C1QL3: variants seen among roughly 807,000 people sequenced by gnomAD.
The protein encoded by C1QL3 is complement C1q-like protein 3.
C1QL3 carries 4 observed loss-of-function variants against 16.6 expected under a neutral mutation model. That is an observed-to-expected ratio of 0.24 (90% CI 0.12 to 0.55). C1QL3 has a LOEUF of 0.55. Ranked by LOEUF, C1QL3 falls within the 20% of genes least tolerant of loss-of-function variation. The pLI, the probability that C1QL3 is intolerant of heterozygous loss-of-function variation, is 0.94. For synonymous variants in C1QL3, 189 were observed against 160.2 expected (o/e 1.18, Z -1.36); for missense variants, 269 against 365.6 (o/e 0.74, Z 2.16).
At chr10:16,515,168 G>C (rs1451484071) in intron 1 of C1QL3, among the ~76,000 whole-genome samples, 1 of 151,142 alleles carries the variant, frequency 6.6e-6, no homozygotes, top group Non-Finnish European at 1.5e-5. Flanking sequence ...AGAAAATTGA[G>C]GTATGTAATA....
chr10:16,515,761 T>C (rs1224779953), intron 1 of C1QL3, among the ~76,000 whole-genome samples: 3 of 152,194 alleles, frequency 2.0e-5, no homozygotes, highest in Non-Finnish European at 4.4e-5. Context: ...GACTTAGATT[T>C]GATTTATTTC....
rs1044584805 is a variant in C1QL3, at chr10:16,520,020, G to T, written c.588+458C>A. On this transcript the variant is annotated intron_variant, in intron 1 of 1. Coordinates refer to ENST00000298943, the MANE Select transcript of C1QL3 (RefSeq NM_001010908.2). This position sits in a 1 kb window ranked among gnomAD's most constrained non-coding sequence, Gnocchi z 8.3. ...CTTCGGGGCCCTTGTTTCTCCCTCCGGCCTTTGTCTACCACCCCCGAGTCG... is the reference window on the plus strand; with the variant it reads ...CTTCGGGGCCCTTGTTTCTCCCTCCTGCCTTTGTCTACCACCCCCGAGTCG... Among the ~76,000 whole-genome samples the T allele has an allele frequency of 6.6e-6, 1 of 151,918 alleles. No individual in the cohort carries two copies. The highest frequency in any genetic ancestry group is 1.5e-5 in the Non-Finnish European group (1 of 67,964).
At chr10:16,517,109 C>T (rs1836963535) in intron 1 of C1QL3, among the ~76,000 whole-genome samples, 2 of 152,150 alleles carry the variant, frequency 1.3e-5, no homozygotes, top group Admixed American at 1.3e-4. Flanking sequence ...GAGGCTGTTT[C>T]CAGATTCCTA....
At position 16,520,439 on chromosome 10, in the gene C1QL3, GCTCCCTCCCCGCC is replaced by G; in HGVS notation, c.588+26_588+38del. On this transcript the variant is annotated intron_variant, in intron 1 of 1. Transcript: ENST00000298943. The surrounding 1 kb of genome is among the most constrained non-coding windows in gnomAD (Gnocchi z 8.3). ...CTCCCTCTCGCCCGCACCTTCCCGCGCTCCCTCCCCGCCCTCCCCGCCGCCCGCCCGCGCTCAC... is the reference window on the plus strand; with the variant it reads ...CTCCCTCTCGCCCGCACCTTCCCGCGCTCCCCGCCGCCCGCCCGCGCTCAC... The G allele has an allele frequency of 7.6e-7, 1 of 1,322,976 alleles. No homozygotes were observed. The highest frequency in any genetic ancestry group is 1.0e-6 in the Non-Finnish European group (1 of 968,888). The allele number at this position is 1,322,976 out of a possible 1,614,324, so 82.0% of individuals were successfully genotyped here.
intron 1 of C1QL3, among the ~76,000 whole-genome samples, chr10:16,518,607 C>T (rs1415940174): frequency 6.6e-6 from 1 of 152,200 alleles, no homozygotes; most frequent in Non-Finnish European, 1.5e-5. Flanking sequence ...GCAGTCTAGA[C>T]ATCAACATTT....
Position 16,514,585 on chromosome 10 carries a change from A to G in C1QL3, c.711T>C (p.His237=). Residue 237 remains histidine, a synonymous_variant, in exon 2 of 2, where the codon CAT becomes CAC. Transcript: ENST00000298943. ...VYIKLDGGKA[H]GGNNNKYSTF... Reference sequence around the variant, plus strand: ...TGCTGTATTTGTTGTTGTTTCCTCCATGGGCTTTCCCGCCATCTAATTTGA... The same window carrying G: ...TGCTGTATTTGTTGTTGTTTCCTCCGTGGGCTTTCCCGCCATCTAATTTGA... The G allele has an allele frequency of 3.1e-6, 5 of 1,613,910 alleles. No homozygotes were observed. The highest frequency in any genetic ancestry group is 3.4e-6 in the Non-Finnish European group (4 of 1,179,822).
chr10:16,519,433 G>A (rs1464448713), intron 1 of C1QL3, among the ~76,000 whole-genome samples: 2 of 150,504 alleles, frequency 1.3e-5, no homozygotes, highest in East Asian at 3.9e-4. Flanking sequence ...AGGCTGCAAG[G>A]CCTCGCCTCA....
At chr10:16,516,029 G>A (rs540223729) in intron 1 of C1QL3, among the ~76,000 whole-genome samples, 7 of 152,170 alleles carry the variant, frequency 4.6e-5, no homozygotes, top group Non-Finnish European at 8.8e-5. Context: ...ATAGTCTCAC[G>A]TTAATGCTGA....
At position 16,514,591 on chromosome 10, in the gene C1QL3, T is replaced by C; in HGVS notation, c.705A>G (p.Lys235=). ...ATTTGTTGTTGTTTCCTCCATGGGC[T>C]TTCCCGCCATCTAATTTGATATAGA... The part of the protein sequence containing the change: ...DEVYIKLDGG[K]AHGGNNNKYS... The change falls in exon 2 of 2, where the codon AAA becomes AAG. Residue 235 remains lysine (K), a synonymous_variant. Coordinates refer to ENST00000298943, the MANE Select transcript of C1QL3 (RefSeq NM_001010908.2). 1 of 1,613,900 alleles carries C rather than the reference T, an allele frequency of 6.2e-7. No homozygotes were observed. The highest frequency in any genetic ancestry group is 8.5e-7 in the Non-Finnish European group (1 of 1,179,790).
chr10:16,516,001 A>G (rs144219486), intron 1 of C1QL3, among the ~76,000 whole-genome samples: 275 of 152,282 alleles, frequency 1.8e-3, no homozygotes, highest in African/African-American at 6.4e-3. Flanking sequence ...GAGTTTTCCA[A>G]TTAAATTTTC....
rs1371832874 is a variant in C1QL3, at chr10:16,521,086, C to A, written c.-21G>T. The A allele has an allele frequency of 6.3e-7, 1 of 1,582,506 alleles. No individual in the cohort carries two copies. The highest frequency in any genetic ancestry group is 1.1e-5 in the South Asian group (1 of 88,554). On this transcript the variant is annotated 5_prime_UTR_variant, in exon 1 of 2. Transcript: ENST00000298943. ...ACCATCACCACCCCCAGCGCCCCGG[C>A]GGCGATCAGGCGCCTCCTGCTGCCC...
rs1837035575 is a variant in C1QL3 at position 16,521,133 on chromosome 10, C to A, written c.-68G>T. On this transcript the variant is annotated 5_prime_UTR_variant, in exon 1 of 2. Coordinates refer to ENST00000298943, the MANE Select transcript of C1QL3 (RefSeq NM_001010908.2). ...GCCCACCAGCCGGCTCAGCGCGGGG[C>A]GATCCTCTTGTCTGCTTTTGGACAG... 6.4e-6 allele frequency: 9 copies of A among 1,408,150 alleles called. No individual in the cohort carries two copies. Among genetic ancestry groups the A allele is most frequent in the Non-Finnish European group, 8.7e-6 (9 of 1,031,734 alleles). The allele number at this position is 1,408,150 out of a possible 1,614,324, so 87.2% of individuals were successfully genotyped here. A position where few individuals can be genotyped will look rare whatever the true frequency, so the allele number is the denominator to read the frequency against.
Position 16,514,202 on chromosome 10 carries a change from T to A in C1QL3, c.*326A>T, listed in dbSNP as rs545505540. On this transcript the variant is annotated 3_prime_UTR_variant, in exon 2 of 2. Coordinates refer to ENST00000298943, the MANE Select transcript of C1QL3 (RefSeq NM_001010908.2). ...GCAGCAAGATCACAGTACACCAAAG[T>A]ATCATATATATAGAAGAAATAATTC... is the stretch of plus-strand genomic sequence containing the variant. The A allele has an allele frequency of 8.5e-5, 34 of 401,184 alleles. No individual in the cohort carries two copies. In the Admixed American group the frequency reaches 1.1e-3, roughly 13 times the overall value. The allele number at this position is 401,184 out of a possible 1,614,324, so 24.9% of individuals were successfully genotyped here. A position where few individuals can be genotyped will look rare whatever the true frequency, so the allele number is the denominator to read the frequency against.
At chr10:16,518,580 T>C (rs1328708561) in intron 1 of C1QL3, among the ~76,000 whole-genome samples, 3 of 152,218 alleles carry the variant, frequency 2.0e-5, no homozygotes, top group Non-Finnish European at 4.4e-5. Flanking sequence ...CAAATCAGTG[T>C]AATATACACA....
intron 1 of C1QL3, among the ~76,000 whole-genome samples, chr10:16,517,261 G>A (rs1836965884): frequency 2.6e-5 from 4 of 152,050 alleles, no homozygotes; most frequent in South Asian, 4.1e-4. Context: ...TGTTTAGTCC[G>A]TATTTCTTTA....
Position 16,521,137 on chromosome 10 carries a change from C to T in C1QL3, c.-72G>A. 7.3e-7 allele frequency: 1 copy of T among 1,372,202 alleles called. No individual in the cohort carries two copies. 85.0% of individuals were successfully genotyped at this position (1,372,202 alleles called of 1,614,324 possible). ...ACCAGCCGGCTCAGCGCGGGGCGATCCTCTTGTCTGCTTTTGGACAGAATT... is the reference window on the plus strand; with the variant it reads ...ACCAGCCGGCTCAGCGCGGGGCGATTCTCTTGTCTGCTTTTGGACAGAATT... On this transcript the variant is annotated 5_prime_UTR_variant, in exon 1 of 2. Transcript: ENST00000298943.
Position 16,520,458 on chromosome 10 carries a change from CGCCG to C in C1QL3, c.588+16_588+19del. On this transcript the variant is annotated intron_variant, in intron 1 of 1. Transcript: ENST00000298943. The surrounding 1 kb of genome is among the most constrained non-coding windows in gnomAD (Gnocchi z 8.3). The stretch of plus-strand genomic sequence containing the variant: ...TCCCGCGCTCCCTCCCCGCCCTCCC[CGCCG>C]CCCGCCCGCGCTCACCTGGTTGTTT... 6.8e-7 allele frequency: 1 copy of C among 1,470,236 alleles called. No homozygotes were observed. Among genetic ancestry groups the C allele is most frequent in the Non-Finnish European group, 9.3e-7 (1 of 1,079,470 alleles). The allele number at this position is 1,470,236 out of a possible 1,614,324, so 91.1% of individuals were successfully genotyped here.
At chr10:16,518,412 T>TTA (rs1347173574) in intron 1 of C1QL3, among the ~76,000 whole-genome samples, 3 of 152,232 alleles carry the variant, frequency 2.0e-5, no homozygotes, top group Non-Finnish European at 4.4e-5. Flanking sequence ...ATGAAAAGAC[T>TTA]TATACATTAT....
In C1QL3 at chr10:16,520,989, C is replaced by G. The variant is rs754222263; in HGVS notation, c.77G>C (p.Gly26Ala). 1 of 1,594,390 alleles carries G rather than the reference C, an allele frequency of 6.3e-7. No individual in the cohort carries two copies. Residue 26 changes from glycine to alanine, a missense_variant, in exon 1 of 2, where the codon GGC (glycine) becomes GCC (alanine). By Grantham distance (60) the Gly-to-Ala change is moderately conservative (BLOSUM62 0). Transcript: ENST00000298943. The surrounding 1 kb of genome is among the most constrained non-coding windows in gnomAD (Gnocchi z 8.3). ...GGGGTCGCAGACCATGCGGCAGGTG[C>G]CCAGCATCTCGTAGTGCGCCGACGT... is the stretch of plus-strand genomic sequence containing the variant. ...AGTSAHYEML[G>A]TCRMVCDPYG... is the part of the protein sequence containing the mutation.
Sources: gnomAD v4.1 joint callset for allele counts (sites outside exome capture counted in the v4.1 genomes callset) on GRCh38, gnomAD v4.1.1 for gene constraint, Gnocchi (gnomAD v3.1) non-coding constraint, MANE v1.5 for transcripts, NCBI Gene and HGNC (gene_info 2026-07-23, HGNC 2026-07-21) for gene names.